Variants in GABPB1 observed in about 807,000 individuals in gnomAD.
The protein encoded by GABPB1 is GA-binding protein subunit beta-1.
GABPB1 carries 15 observed loss-of-function variants against 45.9 expected under a neutral mutation model. The ratio of observed to expected loss-of-function variants is 0.33; its 90% confidence interval spans 0.22 to 0.50. The LOEUF is 0.50. GABPB1 is among the 20% of genes least tolerant of loss of function. GABPB1 has a pLI of 0.98. For synonymous variants in GABPB1, 143 were observed against 154.4 expected, an observed-to-expected ratio of 0.93 and a Z score of 0.55; for missense variants, 252 against 457.5, an observed-to-expected ratio of 0.55 and a Z score of 4.10.
At chr15:50,312,579 G>C (rs897137202) in intron 1 of GABPB1, among the ~76,000 whole-genome samples, 3 of 152,108 alleles carry the variant, frequency 2.0e-5, no homozygotes, top group Non-Finnish European at 2.9e-5. Context: ...TTAAAGGCAG[G>C]ATAAAGCAAA....
intron 2 of GABPB1, among the ~76,000 whole-genome samples, chr15:50,304,340 T>G (rs1299518171): frequency 6.6e-6 from 1 of 152,208 alleles, no homozygotes; most frequent in East Asian, 1.9e-4. Context: ...AATCCAGTAT[T>G]TCCTTTAATT....
intron 6 of GABPB1, among the ~76,000 whole-genome samples, chr15:50,298,925 CTG>C (rs2046620760): frequency 1.4e-5 from 2 of 143,398 alleles, no homozygotes; most frequent in South Asian, 2.1e-4. Context: ...GTACTCCAGC[CTG>C]TGTGACAAAA....
intron 2 of GABPB1, among the ~76,000 whole-genome samples, chr15:50,308,861 C>T (rs557584949): frequency 7.7e-4 from 116 of 151,582 alleles, no homozygotes; most frequent in African/African-American, 2.6e-3. Context: ...TGATATGGTC[C>T]CTGGAATTTG....
At chr15:50,307,369 T>A (rs2046984399) in intron 2 of GABPB1, among the ~76,000 whole-genome samples, 1 of 152,212 alleles carries the variant, frequency 6.6e-6, no homozygotes, top group Non-Finnish European at 1.5e-5. Flanking sequence ...CCATATCCAG[T>A]CAGTCTTCTA....
At chr15:50,317,801 CGG>C (rs1376258204) in intron 1 of GABPB1, among the ~76,000 whole-genome samples, 3 of 151,256 alleles carry the variant, frequency 2.0e-5, no homozygotes, top group African/African-American at 7.3e-5. Flanking sequence ...CCCAGCTACT[CGG>C]GAGGCTGAGG....
At chr15:50,346,426 G>A (rs1056924034) in intron 1 of GABPB1, 5 of 152,068 alleles carry the variant, frequency 3.3e-5, no homozygotes, top group Non-Finnish European at 5.9e-5. Context: ...AATCGATGGT[G>A]GAAAAATCTG....
At chr15:50,354,516 G>C (rs965435497) in intron 1 of GABPB1, 2 of 449,542 alleles carry the variant, frequency 4.4e-6, no homozygotes, top group South Asian at 1.6e-5. Flanking sequence ...AGGCTGCCGA[G>C]ACAAAGGGTA....
chr15:50,289,742 CT>C, intron 6 of GABPB1, 74 bp from the exon 7 acceptor site: 1 of 1,166,158 alleles, frequency 8.6e-7, no homozygotes, highest in Non-Finnish European at 1.2e-6. Context: ...GCTTTGTCTG[CT>C]ACTTTTGCTT....
intron 1 of GABPB1, among the ~76,000 whole-genome samples, chr15:50,338,812 G>A (rs769585042): frequency 3.3e-5 from 5 of 152,102 alleles, no homozygotes; most frequent in East Asian, 3.8e-4. Flanking sequence ...TATCTACCAC[G>A]ATCACTTCCT....
At chr15:50,319,470 C>T (rs572661888) in intron 1 of GABPB1, among the ~76,000 whole-genome samples, 1 of 152,210 alleles carries the variant, frequency 6.6e-6, no homozygotes, top group African/African-American at 2.4e-5. Flanking sequence ...TGTCTATTAT[C>T]CCCCTCCGTA....
chr15:50,297,791 C>A (rs946879620), intron 6 of GABPB1, among the ~76,000 whole-genome samples: 1 of 152,150 alleles, frequency 6.6e-6, no homozygotes, highest in African/African-American at 2.4e-5. Context: ...GCCAAGATCA[C>A]GTCACTGCAC....
chr15:50,337,112 T>TG (rs2048171933), intron 1 of GABPB1, among the ~76,000 whole-genome samples: 1 of 6,998 alleles, frequency 1.4e-4, no homozygotes, highest in African/African-American at 1.2e-3. Flanking sequence ...TATATATATA[T>TG]ATATATATAT....
chr15:50,334,070 T>A (rs2048036796), intron 1 of GABPB1, among the ~76,000 whole-genome samples: 1 of 151,798 alleles, frequency 6.6e-6, no homozygotes, highest in Admixed American at 6.6e-5. Context: ...AAAAGAAAAG[T>A]CATCTATTAC....
chr15:50,285,891 A>C (rs1046988167), intron 8 of GABPB1, 177 bp downstream of exon 8: 6 of 1,363,990 alleles, frequency 4.4e-6, no homozygotes, highest in Non-Finnish European at 5.7e-6. Context: ...TCATTCATTC[A>C]ATATTTATTT....
chr15:50,312,093 C>T (rs1394055709), intron 1 of GABPB1, among the ~76,000 whole-genome samples: 2 of 151,984 alleles, frequency 1.3e-5, no homozygotes, highest in African/African-American at 4.8e-5. Flanking sequence ...ACCTGTAATC[C>T]CACCACTCTG....
At chr15:50,334,683 T>A (rs2048059958) in intron 1 of GABPB1, among the ~76,000 whole-genome samples, 1 of 151,968 alleles carries the variant, frequency 6.6e-6, no homozygotes, top group African/African-American at 2.4e-5. Context: ...AATTTTTTTG[T>A]ATTTTCTGTA....
At chr15:50,280,129 C>T (rs1458942916) in intron 8 of GABPB1, among the ~76,000 whole-genome samples, 1 of 152,056 alleles carries the variant, frequency 6.6e-6, no homozygotes, top group Admixed American at 6.5e-5. Flanking sequence ...CAAAAGATCT[C>T]CAAATCTTCC....
At chr15:50,346,213 T>C (rs1397319748) in intron 1 of GABPB1, among the ~76,000 whole-genome samples, 1 of 152,140 alleles carries the variant, frequency 6.6e-6, no homozygotes, top group South Asian at 2.1e-4. Flanking sequence ...TTCACTTATA[T>C]AGAAGTAAAT....
intron 1 of GABPB1, chr15:50,352,572 G>A (rs897784113): frequency 6.6e-6 from 1 of 152,228 alleles, no homozygotes; most frequent in Non-Finnish European, 1.5e-5. Context: ...TTGACCTCAG[G>A]TGATCGGCCC....
Sources: allele counts gnomAD v4.1 joint callset (sites outside exome capture counted in the v4.1 genomes callset), GRCh38; gene constraint gnomAD v4.1.1; transcripts MANE v1.5; gene names NCBI Gene and HGNC (gene_info 2026-07-23, HGNC 2026-07-21).